The following STARD13 variants were observed in gnomAD, a reference collection of about 807,000 sequenced individuals.
The protein encoded by STARD13 is StAR related lipid transfer domain containing 13.
A neutral mutation model predicts 106.4 loss-of-function variants in STARD13; 62 were observed. That is an observed-to-expected ratio of 0.58 (90% confidence interval 0.48 to 0.72). The LOEUF is 0.72. Among genes scored for constraint, STARD13 ranks in the 30% least tolerant of loss-of-function variants. The pLI, the probability that STARD13 is intolerant of heterozygous loss-of-function variation, is 0.00. For synonymous variants in STARD13, 565 were observed against 553.0 expected (o/e 1.02, Z -0.31); for missense variants, 1,387 against 1,424.0 (o/e 0.97, Z 0.42).
chr13:33,223,255 AGAAT>A (rs1888449436), intron 1 of STARD13, among the ~76,000 whole-genome samples: 2 of 152,244 alleles, frequency 1.3e-5, no homozygotes, highest in Non-Finnish European at 2.9e-5. Flanking sequence ...TGGTCCTTCA[AGAAT>A]GATGTTTTTA....
chr13:33,437,091 A>G, the STARD13 span, among the ~76,000 whole-genome samples: 4 of 152,296 alleles, frequency 2.6e-5, no homozygotes, highest in Non-Finnish European at 2.9e-5. Context: ...AAAAGGCAGA[A>G]ATGAAATCCA....
the STARD13 span, among the ~76,000 whole-genome samples, chr13:33,375,467 A>T: frequency 6.6e-6 from 1 of 152,188 alleles, no homozygotes; most frequent in Non-Finnish European, 1.5e-5. Flanking sequence ...CACCCTGCTA[A>T]TAAAATCATA....
intron 3 of STARD13, among the ~76,000 whole-genome samples, chr13:33,146,517 G>T (rs1213411911): frequency 6.6e-6 from 1 of 152,156 alleles, no homozygotes; most frequent in Non-Finnish European, 1.5e-5. Flanking sequence ...CGATTGTGGT[G>T]ATAGTTACAT....
chr13:33,415,562 C>CT, the STARD13 span, among the ~76,000 whole-genome samples: 107 of 151,900 alleles, frequency 7.0e-4, no homozygotes, highest in African/African-American at 4.3e-4. Context: ...TGAAGATGTT[C>CT]TTTTTTTTGT....
the STARD13 span, among the ~76,000 whole-genome samples, chr13:33,402,397 T>C: frequency 1.3e-5 from 2 of 152,236 alleles, no homozygotes. Context: ...ACTCAGTATA[T>C]GAAATAACCT....
intron 1 of STARD13, among the ~76,000 whole-genome samples, chr13:33,178,268 G>C (rs980921217): frequency 1.3e-5 from 2 of 152,058 alleles, no homozygotes; most frequent in African/African-American, 4.8e-5. Context: ...AACATTCTAG[G>C]TGGCTTGAAT....
the STARD13 span, among the ~76,000 whole-genome samples, chr13:33,437,254 T>C: frequency 6.6e-6 from 1 of 152,132 alleles, no homozygotes; most frequent in Admixed American, 6.6e-5. Flanking sequence ...TACCGGTGCA[T>C]GCAGCCCCCA....
the STARD13 span, among the ~76,000 whole-genome samples, chr13:33,378,561 C>A: frequency 6.6e-6 from 1 of 152,064 alleles, no homozygotes; most frequent in East Asian, 1.9e-4. Context: ...GAGGCCGAGG[C>A]GGGCGGATCA....
intron 1 of STARD13, among the ~76,000 whole-genome samples, chr13:33,182,655 C>T (rs890670624): frequency 1.3e-5 from 2 of 152,232 alleles, no homozygotes; most frequent in African/African-American, 4.8e-5. Context: ...TTGTGTTGGG[C>T]CACATTCAAA....
chr13:33,339,901 T>C (rs188198712), intron 1 of STARD13, among the ~76,000 whole-genome samples: 16 of 151,232 alleles, frequency 1.1e-4, no homozygotes, highest in African/African-American at 3.6e-4. Context: ...CGAGACTCTG[T>C]CTCAAAGAAA....
the STARD13 span, among the ~76,000 whole-genome samples, chr13:33,394,046 T>A: frequency 6.6e-6 from 1 of 152,182 alleles, no homozygotes; most frequent in Non-Finnish European, 1.5e-5. Context: ...GACTACTGTT[T>A]TAGAGCAACA....
the STARD13 span, chr13:33,656,922 G>C: frequency 6.6e-6 from 1 of 152,228 alleles, no homozygotes; most frequent in African/African-American, 2.4e-5. Flanking sequence ...TGAGCTTACA[G>C]ATGGTAGGAC....
chr13:33,661,219 A>G, the STARD13 span: 1 of 152,216 alleles, frequency 6.6e-6, no homozygotes, highest in Admixed American at 6.5e-5. Flanking sequence ...GGAGTGACCT[A>G]AACTGGAGGA....
intron 1 of STARD13, among the ~76,000 whole-genome samples, chr13:33,341,034 C>G (rs377228728): frequency 1.4e-4 from 21 of 152,276 alleles, no homozygotes; most frequent in African/African-American, 4.8e-4. Context: ...CAACTCAACT[C>G]TTTTAGGACT....
the STARD13 span, among the ~76,000 whole-genome samples, chr13:33,410,964 T>C: frequency 6.6e-6 from 1 of 152,328 alleles, no homozygotes; most frequent in South Asian, 2.1e-4. Flanking sequence ...CTTTCCAATT[T>C]CAACTCATCA....
chr13:33,566,792 T>C, the STARD13 span, among the ~76,000 whole-genome samples: 1 of 148,072 alleles, frequency 6.8e-6, no homozygotes, highest in Non-Finnish European at 1.5e-5. Context: ...AGGCTATTAC[T>C]ATGTGATCCT....
the STARD13 span, among the ~76,000 whole-genome samples, chr13:33,411,272 G>A: frequency 6.6e-6 from 1 of 152,104 alleles, no homozygotes; most frequent in African/African-American, 2.4e-5. Context: ...GGCGTATGTG[G>A]GACAGATAAC....
intron 1 of STARD13, among the ~76,000 whole-genome samples, chr13:33,214,784 G>A (rs1887934170): frequency 6.6e-6 from 1 of 151,778 alleles, no homozygotes; most frequent in Non-Finnish European, 1.5e-5. Flanking sequence ...GTGCTGTGCA[G>A]TGTATGAGTT....
chr13:33,607,931 A>T, the STARD13 span, among the ~76,000 whole-genome samples: 7 of 152,338 alleles, frequency 4.6e-5, no homozygotes, highest in South Asian at 6.2e-4. Context: ...TTTTTTAGAG[A>T]TAGAGTCTCA....
Sources: allele counts gnomAD v4.1 joint callset (sites outside exome capture counted in the v4.1 genomes callset), GRCh38; gene constraint gnomAD v4.1.1; transcripts MANE v1.5; gene names NCBI Gene and HGNC (gene_info 2026-07-23, HGNC 2026-07-21).